R3HDM2: variants seen among roughly 807,000 people sequenced by gnomAD.
The protein encoded by R3HDM2 is R3H domain-containing protein 2.
In R3HDM2, 38 loss-of-function variants were observed where a neutral mutation model predicts 124.5. The observed-to-expected ratio is 0.31, with a 90% confidence interval of 0.24 to 0.40. The LOEUF is 0.40. R3HDM2 is among the 10% of genes least tolerant of loss of function. The pLI is 1.00. For missense variants in R3HDM2, 869 were observed against 1,236.9 expected (o/e 0.70, Z 4.46); for synonymous variants, 391 against 448.0 (o/e 0.87, Z 1.61).
At chr12:57,415,781 T>C (rs1041127357) in intron 1 of R3HDM2, among the ~76,000 whole-genome samples, 2 of 152,166 alleles carry the variant, frequency 1.3e-5, no homozygotes, top group African/African-American at 4.8e-5. Context: ...ATATTTGACT[T>C]GAATCTAATC....
chr12:57,354,707 G>A (rs2061065411), intron 2 of R3HDM2, among the ~76,000 whole-genome samples: 1 of 152,074 alleles, frequency 6.6e-6, no homozygotes, highest in South Asian at 2.1e-4. Flanking sequence ...TAATTGGGTT[G>A]TCTTCTTATT....
chr12:57,288,832 A>G, intron 12 of R3HDM2, 177 bp downstream of exon 12: 1 of 1,521,590 alleles, frequency 6.6e-7, no homozygotes, highest in Non-Finnish European at 8.9e-7. Flanking sequence ...AATAAAAAGG[A>G]GAGATATAGA....
chr12:57,340,140 C>T (rs1410660372), intron 2 of R3HDM2, among the ~76,000 whole-genome samples: 1 of 152,114 alleles, frequency 6.6e-6, no homozygotes, highest in Non-Finnish European at 1.5e-5. Flanking sequence ...TTAAGAAAGA[C>T]TTTAGGTCTA....
chr12:57,258,896 G>A lies in R3HDM2; in HGVS notation c.2295C>T (p.Ser765=), dbSNP rs201558434. 4.9e-5 allele frequency: 77 copies of A among 1,576,332 alleles called. No individual in the cohort carries two copies. Among genetic ancestry groups the A allele is most frequent in the Non-Finnish European group, 6.5e-5 (76 of 1,161,914 alleles). The part of the protein sequence containing the change: ...KPGDLYSPDS[S]PQANTQMSSS... ...GGCTGAGTGCTGCACTCACCTGGGG[G>A]CTGCTGTCAGGACTGTACAGGTCTC... Residue 765 remains serine (S), a synonymous_variant, in exon 20 of 24, where the codon AGC becomes AGT. Transcript: ENST00000402412.
chr12:57,338,912 T>TAA (rs2059207501), intron 2 of R3HDM2, among the ~76,000 whole-genome samples: 1 of 152,122 alleles, frequency 6.6e-6, no homozygotes. Flanking sequence ...TGCTAAGTCT[T>TAA]TAAATGACCA....
Position 57,357,400 on chromosome 12 carries a change from T to C in R3HDM2, c.-36+38349A>G, listed in dbSNP as rs186779511. On this transcript the variant is annotated intron_variant, in intron 2 of 23. Coordinates refer to ENST00000402412, the MANE Select transcript of R3HDM2 (RefSeq NM_001394031.1). ...TCGCTTGAACCTAGGAGGCAGTGGTTGAAGTGAGCCAAGATCGCGCCATTG... is the reference window on the plus strand; with the variant it reads ...TCGCTTGAACCTAGGAGGCAGTGGTCGAAGTGAGCCAAGATCGCGCCATTG... Among the ~76,000 whole-genome samples the C allele has an allele frequency of 2.1e-3, 321 of 151,376 alleles. 9 individuals are homozygous for C. In the East Asian group the frequency reaches 0.05, roughly 24 times the overall value.
At chr12:57,353,835 T>C (rs2060939376) in intron 2 of R3HDM2, among the ~76,000 whole-genome samples, 1 of 152,096 alleles carries the variant, frequency 6.6e-6, no homozygotes, top group East Asian at 1.9e-4. Context: ...GGGTGTCTCT[T>C]GTGGTAAAAA....
intron 1 of R3HDM2, among the ~76,000 whole-genome samples, chr12:57,400,436 G>A (rs1037050493): frequency 6.6e-6 from 1 of 151,876 alleles, no homozygotes; most frequent in African/African-American, 2.4e-5. Flanking sequence ...CCTGTTGTGG[G>A]GTGGGGGGAA....
chr12:57,353,892 G>T (rs2060948745), intron 2 of R3HDM2, among the ~76,000 whole-genome samples: 1 of 152,104 alleles, frequency 6.6e-6, no homozygotes, highest in Non-Finnish European at 1.5e-5. Flanking sequence ...GTCTCGCTCT[G>T]TCACCCAGGC....
chr12:57,349,403 AAAAAG>A (rs2060448013), intron 2 of R3HDM2, among the ~76,000 whole-genome samples: 1 of 137,216 alleles, frequency 7.3e-6, no homozygotes, highest in African/African-American at 2.6e-5. Context: ...AAAAAAAAAA[AAAAAG>A]AAAAGAAAAT....
chr12:57,282,859 GA>G (rs1434622356), intron 13 of R3HDM2, among the ~76,000 whole-genome samples: 1 of 152,212 alleles, frequency 6.6e-6, no homozygotes, highest in African/African-American at 2.4e-5. Flanking sequence ...GATGTCTTCT[GA>G]GGATAACTAC....
chr12:57,389,020 C>T (rs1052569), intron 2 of R3HDM2, among the ~76,000 whole-genome samples: 1 of 152,018 alleles, frequency 6.6e-6, no homozygotes, highest in Non-Finnish European at 1.5e-5. Context: ...TTTTTCTTAT[C>T]AGGGTTACTA....
chr12:57,265,524 A>G (rs1444135992), intron 19 of R3HDM2, among the ~76,000 whole-genome samples: 1 of 123,704 alleles, frequency 8.1e-6, no homozygotes, highest in Non-Finnish European at 1.7e-5. Flanking sequence ...AACAAAAAAA[A>G]GAAAAAAAGA....
intron 18 of R3HDM2, chr12:57,268,072 C>A (rs377215705): frequency 6.2e-5 from 22 of 353,662 alleles, no homozygotes; most frequent in African/African-American, 4.0e-4. Flanking sequence ...TGGAGGAAAT[C>A]ATAAATTATA....
At chr12:57,324,506 C>G (rs1344227556) in intron 2 of R3HDM2, among the ~76,000 whole-genome samples, 9 of 152,136 alleles carry the variant, frequency 5.9e-5, no homozygotes, top group Non-Finnish European at 1.2e-4. Flanking sequence ...AATCTAACAT[C>G]AAATGTGAGA....
intron 2 of R3HDM2, among the ~76,000 whole-genome samples, chr12:57,368,111 C>A (rs2062875854): frequency 6.6e-6 from 1 of 151,414 alleles, no homozygotes; most frequent in South Asian, 2.1e-4. Context: ...TTTAAGAATT[C>A]TTTGAAGCCA....
At chr12:57,416,746 T>A (rs2139441820) in intron 1 of R3HDM2, among the ~76,000 whole-genome samples, 1 of 151,928 alleles carries the variant, frequency 6.6e-6, no homozygotes, top group Middle Eastern at 3.4e-3. Context: ...AGGCGGAGGT[T>A]GCAGTGAGCT....
chr12:57,310,918 T>C (rs972820908), intron 2 of R3HDM2, among the ~76,000 whole-genome samples: 2 of 152,168 alleles, frequency 1.3e-5, no homozygotes, highest in Non-Finnish European at 2.9e-5. Context: ...CATAATTATT[T>C]TGAGATTCAC....
At chr12:57,338,818 A>G (rs1008070065) in intron 2 of R3HDM2, among the ~76,000 whole-genome samples, 1 of 150,484 alleles carries the variant, frequency 6.6e-6, no homozygotes, top group Admixed American at 6.6e-5. Flanking sequence ...TTTTTTTTTC[A>G]AAGGGAGAGA....
Sources: gnomAD v4.1 joint callset for allele counts (sites outside exome capture counted in the v4.1 genomes callset) on GRCh38, gnomAD v4.1.1 for gene constraint, MANE v1.5 for transcripts, NCBI Gene and HGNC (gene_info 2026-07-23, HGNC 2026-07-21) for gene names.